Variants in ASAP3 observed in about 807,000 individuals in gnomAD.
The protein encoded by ASAP3 is ArfGAP with SH3 domain, ankyrin repeat and PH domain 3, also known as arf-GAP with SH3 domain, ANK repeat and PH domain-containing protein 3.
Under a neutral mutation model 118.2 loss-of-function variants are expected in ASAP3, and 85 were observed. The ratio of observed to expected loss-of-function variants is 0.72; its 90% CI spans 0.60 to 0.86. ASAP3 has a LOEUF of 0.86. Ranked by LOEUF, ASAP3 falls within the 40% of genes least tolerant of loss-of-function variation. The pLI is 0.00. For missense variants in ASAP3, 1,026 were observed against 1,175.0 expected (o/e 0.87, Z 1.85); for synonymous variants, 432 against 477.4 (o/e 0.90, Z 1.24).
chr1:23,440,870 A>C (rs940885224), intron 10 of ASAP3, among the ~76,000 whole-genome samples: 2 of 151,794 alleles, frequency 1.3e-5, no homozygotes, highest in African/African-American at 4.8e-5. Flanking sequence ...AAAAAAAAAA[A>C]AAAAAGTGTT....
chr1:23,447,193 C>A (rs951564302), intron 5 of ASAP3, among the ~76,000 whole-genome samples: 2 of 152,156 alleles, frequency 1.3e-5, no homozygotes, highest in Non-Finnish European at 2.9e-5. Flanking sequence ...GGGTTGAGGA[C>A]CCCTGGTCTA....
chr1:23,477,270 G>A (rs1642160821), intron 1 of ASAP3, among the ~76,000 whole-genome samples: 1 of 151,234 alleles, frequency 6.6e-6, no homozygotes, highest in South Asian at 2.1e-4. Context: ...ATCTGCCTTG[G>A]GGAGGCTGAG....
At chr1:23,439,532 T>C (rs1640791201) in intron 10 of ASAP3, among the ~76,000 whole-genome samples, 1 of 152,160 alleles carries the variant, frequency 6.6e-6, no homozygotes, top group African/African-American at 2.4e-5. Context: ...CCCAGTCTGA[T>C]GGGGGAGACA....
chr1:23,434,320 C>T lies in ASAP3; in HGVS notation c.1885G>A (p.Ala629Thr), dbSNP rs774990747. 3.0e-5 allele frequency: 49 copies of T among 1,614,016 alleles called. No individual in the cohort carries two copies. Among genetic ancestry groups the T allele is most frequent in the Middle Eastern group, 1.6e-4 (1 of 6,084 alleles). ...CAGTCGGGCTGGTTGTAGAGTGCTG[C>T]GTAGTGCAGAGCCGTGTTCCCGTCA... ...AADGNTALHY[A>T]ALYNQPDCLK... Residue 629 changes from alanine to threonine, a missense_variant, in exon 19 of 25, where the codon GCA becomes ACA. Ala to Thr is a moderately conservative substitution (Grantham distance 58). Coordinates refer to ENST00000336689, the MANE Select transcript of ASAP3 (RefSeq NM_017707.4).
In ASAP3 at chr1:23,438,182, C is replaced by G. The variant is rs1570340424; in HGVS notation, c.1102+565G>C. On this transcript the variant is annotated intron_variant, in intron 12 of 24. Transcript: ENST00000336689. This position sits in a 1 kb window ranked among gnomAD's most constrained non-coding sequence, Gnocchi z 4.9. ...CTCAAATACTGTCTCCTCCAGGAGC[C>G]TTTCCTGATTCCCCACAGCAGTGCA... is the stretch of plus-strand genomic sequence containing the variant. Among the ~76,000 whole-genome samples the G allele has an allele frequency of 1.3e-5, 2 of 152,182 alleles. No individual in the cohort carries two copies. The highest frequency in any genetic ancestry group is 3.8e-4 in the East Asian group (2 of 5,196).
At chr1:23,440,995 G>A (rs1288441108) in intron 10 of ASAP3, 107 bp downstream of exon 10, 12 of 1,022,882 alleles carry the variant, frequency 1.2e-5, no homozygotes, top group Middle Eastern at 2.1e-4. Flanking sequence ...TGCAACCCTC[G>A]GTGTCTACAC....
chr1:23,430,578 C>T (rs956341882), intron 24 of ASAP3, among the ~76,000 whole-genome samples: 9 of 152,220 alleles, frequency 5.9e-5, no homozygotes, highest in South Asian at 2.1e-4. Flanking sequence ...GGCTGGTACA[C>T]GGCCACCTAA....
At chr1:23,468,810 G>A (rs1439685333) in intron 1 of ASAP3, among the ~76,000 whole-genome samples, 1 of 145,066 alleles carries the variant, frequency 6.9e-6, no homozygotes, top group African/African-American at 2.6e-5. Flanking sequence ...GGTGGGGGTT[G>A]TAGTGAGCCG....
intron 24 of ASAP3, 104 bp from the exon 25 acceptor site, chr1:23,430,034 A>T: frequency 1.0e-6 from 1 of 989,592 alleles, no homozygotes; most frequent in Non-Finnish European, 1.5e-6. Flanking sequence ...AAATTAAATT[A>T]TTCTCATTTT....
intron 1 of ASAP3, among the ~76,000 whole-genome samples, chr1:23,469,104 A>G (rs1200799981): frequency 2.0e-5 from 3 of 152,070 alleles, no homozygotes; most frequent in Non-Finnish European, 4.4e-5. Flanking sequence ...CAGAAGTTTG[A>G]GACCAGCCTG....
intron 24 of ASAP3, 113 bp downstream of exon 24, chr1:23,430,922 A>G: frequency 9.5e-7 from 1 of 1,050,448 alleles, no homozygotes; most frequent in Non-Finnish European, 1.3e-6. Context: ...GCCTGGGCCC[A>G]TCTGTACCCC....
intron 1 of ASAP3, among the ~76,000 whole-genome samples, chr1:23,471,656 A>T (rs1292985448): frequency 6.6e-6 from 1 of 152,224 alleles, no homozygotes; most frequent in Non-Finnish European, 1.5e-5. Flanking sequence ...GTGTGACCTG[A>T]GGCAAGTGAC....
chr1:23,468,405 A>C (rs1227580094), intron 1 of ASAP3, among the ~76,000 whole-genome samples: 2 of 152,158 alleles, frequency 1.3e-5, no homozygotes, highest in Admixed American at 6.5e-5. Flanking sequence ...TCTTTCCCAT[A>C]TTTTTCAATC....
intron 1 of ASAP3, among the ~76,000 whole-genome samples, chr1:23,470,226 G>C (rs1641916840): frequency 6.6e-6 from 1 of 152,192 alleles, no homozygotes; most frequent in Non-Finnish European, 1.5e-5. Flanking sequence ...CAAAGCGCTA[G>C]GACACAGTTG....
intron 1 of ASAP3, among the ~76,000 whole-genome samples, chr1:23,468,664 A>C (rs1283552165): frequency 4.0e-5 from 4 of 99,868 alleles, no homozygotes; most frequent in Non-Finnish European, 9.0e-5. Flanking sequence ...CGAGGTCAGG[A>C]GTTTGAGACC....
intron 5 of ASAP3, among the ~76,000 whole-genome samples, chr1:23,445,638 A>C (rs937892434): frequency 6.6e-6 from 1 of 152,218 alleles, no homozygotes; most frequent in Non-Finnish European, 1.5e-5. Flanking sequence ...TAGTTAGACA[A>C]ATAATAGTAT....
intron 1 of ASAP3, among the ~76,000 whole-genome samples, chr1:23,473,999 G>A (rs1387181766): frequency 2.4e-4 from 2 of 8,452 alleles, no homozygotes; most frequent in African/African-American, 4.4e-4. Flanking sequence ...TTTTTTTTTT[G>A]AGATGGAGCC....
At chr1:23,435,822 T>A (rs773563870) in intron 17 of ASAP3, 29 bp downstream of exon 17, 2 of 1,613,912 alleles carry the variant, frequency 1.2e-6, no homozygotes, top group Non-Finnish European at 1.7e-6. Context: ...GACAGGTGGG[T>A]TATAAGTGGC....
intron 6 of ASAP3, 110 bp downstream of exon 6, chr1:23,442,391 C>A: frequency 6.3e-7 from 1 of 1,583,738 alleles, no homozygotes; most frequent in Non-Finnish European, 8.6e-7. Context: ...GGTGACATCC[C>A]ACAGGGCCAT....
Sources: allele counts gnomAD v4.1 joint callset (sites outside exome capture counted in the v4.1 genomes callset), GRCh38; gene constraint gnomAD v4.1.1; non-coding constraint Gnocchi (gnomAD v3.1); transcripts MANE v1.5; gene names NCBI Gene and HGNC (gene_info 2026-07-23, HGNC 2026-07-21).